Variants in IKBKB-DT observed in about 807,000 individuals in gnomAD.
IKBKB-DT encodes the protein IKBKB antisense RNA.
intron 3 of IKBKB-DT, among the ~76,000 whole-genome samples, chr8:42,243,053 A>G (rs1807023793): frequency 6.6e-6 from 1 of 152,170 alleles, no homozygotes; most frequent in South Asian, 2.1e-4. Flanking sequence ...CTCGGAGTAG[A>G]AAGTGGGCAC....
chr8:42,246,048 T>C (rs1807059439), intron 3 of IKBKB-DT, among the ~76,000 whole-genome samples: 1 of 152,232 alleles, frequency 6.6e-6, no homozygotes, highest in Admixed American at 6.5e-5. Context: ...GTTTTGTTTT[T>C]TGTTTCGAGA....
intron 1 of IKBKB-DT, among the ~76,000 whole-genome samples, chr8:42,268,755 C>CCAT (rs1315105470): frequency 2.6e-5 from 4 of 151,434 alleles, no homozygotes; most frequent in Non-Finnish European, 4.4e-5. Context: ...TTCGTAGAGA[C>CCAT]GTGGTTTCAC....
intron 3 of IKBKB-DT, among the ~76,000 whole-genome samples, chr8:42,257,812 A>G (rs1447426175): frequency 6.6e-6 from 1 of 152,114 alleles, no homozygotes; most frequent in Non-Finnish European, 1.5e-5. Context: ...TTAAAAGTCA[A>G]AAGACTAAAT....
intron 3 of IKBKB-DT, among the ~76,000 whole-genome samples, chr8:42,246,148 C>T (rs1052255949): frequency 2.6e-5 from 4 of 152,156 alleles, no homozygotes; most frequent in African/African-American, 9.7e-5. Context: ...GCAATCCTCC[C>T]GCCTCAACCT....
At chr8:42,236,652 G>A (rs1401140723) in intron 3 of IKBKB-DT, among the ~76,000 whole-genome samples, 1 of 152,162 alleles carries the variant, frequency 6.6e-6, no homozygotes, top group Non-Finnish European at 1.5e-5. Flanking sequence ...AGCTACTTGG[G>A]AGGCTGAGAC....
At chr8:42,269,773 C>G (rs550604046) in intron 1 of IKBKB-DT, among the ~76,000 whole-genome samples, 93 of 152,180 alleles carry the variant, frequency 6.1e-4, no homozygotes, top group African/African-American at 2.2e-3. Flanking sequence ...TAACTTCAAC[C>G]CCAGGGCTGT....
intron 3 of IKBKB-DT, among the ~76,000 whole-genome samples, chr8:42,246,788 T>A (rs1563275639): frequency 6.6e-6 from 1 of 152,186 alleles, no homozygotes; most frequent in Non-Finnish European, 1.5e-5. Flanking sequence ...GTCCCTAAAC[T>A]TTTCGGCACC....
At chr8:42,267,518 C>G (rs1036728432) in intron 1 of IKBKB-DT, among the ~76,000 whole-genome samples, 1 of 152,066 alleles carries the variant, frequency 6.6e-6, no homozygotes, top group Non-Finnish European at 1.5e-5. Flanking sequence ...CTTAAAAACC[C>G]AGTAAGATTC....
intron 3 of IKBKB-DT, among the ~76,000 whole-genome samples, chr8:42,235,370 A>G (rs1159675007): frequency 2.0e-5 from 3 of 151,702 alleles, no homozygotes; most frequent in Admixed American, 2.0e-4. Flanking sequence ...ACGCCCAGCT[A>G]ATTTTTTGTA....
chr8:42,247,596 G>A (rs1240852367), intron 3 of IKBKB-DT, among the ~76,000 whole-genome samples: 3 of 152,174 alleles, frequency 2.0e-5, no homozygotes, highest in African/African-American at 7.2e-5. Flanking sequence ...GAATGATATG[G>A]TTAGGCTTTG....
At chr8:42,242,639 C>A (rs1807017419) in intron 3 of IKBKB-DT, among the ~76,000 whole-genome samples, 1 of 152,198 alleles carries the variant, frequency 6.6e-6, no homozygotes, top group Non-Finnish European at 1.5e-5. Flanking sequence ...AGTCATTGAC[C>A]TCACTTGCTG....
chr8:42,239,716 G>T (rs1475155493), intron 3 of IKBKB-DT, among the ~76,000 whole-genome samples: 1 of 146,018 alleles, frequency 6.8e-6, no homozygotes, highest in Non-Finnish European at 1.5e-5. Context: ...CACGATCTTG[G>T]CTCACTGTAA....
chr8:42,233,696 T>C (rs986460529), exon 4 of IKBKB-DT: 12 of 152,176 alleles, frequency 7.9e-5, no homozygotes, highest in Admixed American at 7.2e-4. Context: ...AGACCAGTTT[T>C]ATTATTACTC....
In IKBKB-DT at chr8:42,237,783, G is replaced by T. The variant is rs1033414643; in HGVS notation, n.1530-3924C>A. ...CTCACACCTGTAACCCAGCACTTTG[G>T]GAGGCCAAGACAGGAGGATTGCTTG... On this transcript the variant is annotated intron_variant and non_coding_transcript_variant, in intron 3 of 3. Transcript: ENST00000518213. 1.1e-4 allele frequency among the ~76,000 whole-genome samples: 16 copies of T among 151,992 alleles called. No homozygotes were observed. The South Asian group carries it at 2.3e-3, about 22-fold the overall frequency.
chr8:42,261,836 G>A (rs1236446579), intron 3 of IKBKB-DT, among the ~76,000 whole-genome samples: 1 of 152,176 alleles, frequency 6.6e-6, no homozygotes, highest in African/African-American at 2.4e-5. Context: ...TTCTCTTTCT[G>A]TCTGGTTATA....
intron 3 of IKBKB-DT, among the ~76,000 whole-genome samples, chr8:42,245,233 G>A (rs895080154): frequency 3.3e-5 from 5 of 152,056 alleles, no homozygotes; most frequent in South Asian, 2.1e-4. Flanking sequence ...CCAACCTGGC[G>A]ACAGAGCAAG....
At chr8:42,252,890 A>G (rs1400745393) in intron 3 of IKBKB-DT, among the ~76,000 whole-genome samples, 1 of 152,244 alleles carries the variant, frequency 6.6e-6, no homozygotes, top group Non-Finnish European at 1.5e-5. Context: ...TGACTCTAGC[A>G]TAACATGACA....
chr8:42,259,232 T>C (rs1290059634), intron 3 of IKBKB-DT, among the ~76,000 whole-genome samples: 1 of 151,908 alleles, frequency 6.6e-6, no homozygotes, highest in Non-Finnish European at 1.5e-5. Context: ...TCCAGGTTGG[T>C]CAGGCTGGTC....
intron 1 of IKBKB-DT, among the ~76,000 whole-genome samples, chr8:42,266,711 T>G (rs1807374589): frequency 6.6e-6 from 1 of 152,000 alleles, no homozygotes; most frequent in African/African-American, 2.4e-5. Flanking sequence ...TAAAACAGGT[T>G]TCGGTAAAGA....
Sources: allele counts gnomAD v4.1 joint callset (sites outside exome capture counted in the v4.1 genomes callset), GRCh38; gene constraint gnomAD v4.1.1; transcripts MANE v1.5; gene names NCBI Gene and HGNC (gene_info 2026-07-23, HGNC 2026-07-21).